Variants in FAM186B observed in about 807,000 individuals in gnomAD.
The protein encoded by FAM186B is protein FAM186B.
A neutral mutation model predicts 83.4 loss-of-function variants in FAM186B; 68 were observed. The observed-to-expected ratio is 0.81, with a 90% CI of 0.67 to 1.00. The LOEUF is 1.00. Among genes scored for constraint, FAM186B ranks in the 50% least tolerant of loss-of-function variants. The pLI, the probability that FAM186B is intolerant of heterozygous loss-of-function variation, is 0.00. For synonymous variants in FAM186B, 389 were observed against 422.0 expected (o/e 0.92, Z 0.96); for missense variants, 983 against 1,099.2 (o/e 0.89, Z 1.49).
chr12:49,617,294 CAGCACTTTCGGAG>C, the FAM186B span, among the ~76,000 whole-genome samples: 1 of 152,218 alleles, frequency 6.6e-6, no homozygotes, highest in African/African-American at 2.4e-5. Context: ...CCTGTAATCC[CAGCACTTTCGGAG>C]GCCAGGGCAG....
In FAM186B at chr12:49,603,241, T is replaced by A; in HGVS notation, c.449A>T (p.Glu150Val). 1.2e-6 allele frequency: 2 copies of A among 1,614,204 alleles called. No individual in the cohort carries two copies. The highest frequency in any genetic ancestry group is 1.7e-6 in the Non-Finnish European group (2 of 1,180,036). ...LSLIATKRGI[E>V]SLTALCSTLI... ...AGTGGAGCAAAGGGCAGTGAGTGAC[T>A]CGATGCCTCTTTTGGTGGCAATGAG... Residue 150 changes from glutamate (E) to valine (V), a missense_variant, in exon 3 of 7, where the codon GAG (glutamate) becomes GTG (valine). Coordinates refer to ENST00000257894, the MANE Select transcript of FAM186B (RefSeq NM_032130.3).
the FAM186B span, among the ~76,000 whole-genome samples, chr12:49,614,682 C>T: frequency 2.6e-5 from 4 of 152,222 alleles, no homozygotes; most frequent in East Asian, 5.8e-4. Context: ...ACAACATTCA[C>T]GCAATATACC....
chr12:49,588,851 T>C (rs1939511625), intron 5 of FAM186B, among the ~76,000 whole-genome samples: 1 of 152,170 alleles, frequency 6.6e-6, no homozygotes, highest in Non-Finnish European at 1.5e-5. Flanking sequence ...TTTTCTCCTT[T>C]GTTGTGAGGA....
chr12:49,588,380 C>A, intron 6 of FAM186B, 74 bp downstream of exon 6: 2 of 1,516,476 alleles, frequency 1.3e-6, no homozygotes, highest in South Asian at 2.5e-5. Flanking sequence ...CTGCCCACCT[C>A]CCCAGGCTGG....
chr12:49,589,534 G>A (rs1393957496), intron 5 of FAM186B, among the ~76,000 whole-genome samples: 1 of 152,082 alleles, frequency 6.6e-6, no homozygotes, highest in Non-Finnish European at 1.5e-5. Context: ...CTCAATACTT[G>A]TATAATGGGG....
At chr12:49,588,042 A>G (rs1462465121) in intron 6 of FAM186B, among the ~76,000 whole-genome samples, 1 of 152,236 alleles carries the variant, frequency 6.6e-6, no homozygotes, top group Admixed American at 6.5e-5. Flanking sequence ...GGTGTGGACC[A>G]GGGTCCTTTT....
the FAM186B span, among the ~76,000 whole-genome samples, chr12:49,612,925 AAT>A: frequency 1.1e-4 from 17 of 152,196 alleles, no homozygotes; most frequent in African/African-American, 3.9e-4. Flanking sequence ...CCAACCTCAG[AAT>A]ATACATTCTT....
upstream of FAM186B, among the ~76,000 whole-genome samples, chr12:49,610,307 A>G (rs1242395515): frequency 6.6e-6 from 1 of 152,222 alleles, no homozygotes; most frequent in Non-Finnish European, 1.5e-5. Context: ...AAAGGATCGC[A>G]CTAGATGTCT....
At chr12:49,593,652 G>GA (rs1263569136) in intron 5 of FAM186B, among the ~76,000 whole-genome samples, 9 of 145,408 alleles carry the variant, frequency 6.2e-5, no homozygotes, top group African/African-American at 2.4e-4. Context: ...AAAAAGAAAA[G>GA]AAAGAGGGCC....
Position 49,601,106 on chromosome 12 carries a change from C to T in FAM186B, c.534G>A (p.Trp178Ter). 1 of 1,571,694 alleles carries T rather than the reference C, an allele frequency of 6.4e-7. No homozygotes were observed. Among genetic ancestry groups the T allele is most frequent in the Non-Finnish European group, 8.6e-7 (1 of 1,157,396 alleles). The change falls in exon 4 of 7, where the codon TGG becomes TGA. Residue 178 changes from tryptophan to a stop codon, truncating the protein, a stop_gained. Transcript: ENST00000257894. LOFTEE classifies it high-confidence loss of function. ...GAGATGTCTGTGGGCTTCTTCCCTG[C>T]CAGCCCTGCCAGAAGGTGCGTTTGG... is the stretch of plus-strand genomic sequence containing the variant. ...QVSKRTFWQG[W>*]QGRSPQTSPS...
chr12:49,583,870 G>T (rs1326855793), downstream of FAM186B: 2 of 153,252 alleles, frequency 1.3e-5, no homozygotes, highest in African/African-American at 4.8e-5. Context: ...GGGTGTGTAG[G>T]TGCTCGTGAG....
At chr12:49,592,715 G>A (rs1440929364) in intron 5 of FAM186B, among the ~76,000 whole-genome samples, 1 of 152,182 alleles carries the variant, frequency 6.6e-6, no homozygotes, top group Non-Finnish European at 1.5e-5. Context: ...GAATCCAGGA[G>A]GCGGAGGTTA....
downstream of FAM186B, chr12:49,584,290 C>G: frequency 1.8e-6 from 1 of 548,722 alleles, no homozygotes; most frequent in South Asian, 2.3e-5. Context: ...TTAAAATAAA[C>G]CAACCTCTAT....
chr12:49,610,648 G>T, the FAM186B span, among the ~76,000 whole-genome samples: 1 of 152,078 alleles, frequency 6.6e-6, no homozygotes, highest in South Asian at 2.1e-4. Flanking sequence ...AAACTAGCCG[G>T]ACACGGTCGT....
chr12:49,594,504 CAA>C (rs1411955170), intron 5 of FAM186B, among the ~76,000 whole-genome samples: 1 of 152,102 alleles, frequency 6.6e-6, no homozygotes, highest in Non-Finnish European at 1.5e-5. Context: ...AGATTAATAA[CAA>C]TAACAAAATA....
upstream of FAM186B, chr12:49,605,695 A>T: frequency 2.2e-6 from 1 of 449,826 alleles, no homozygotes; most frequent in Non-Finnish European, 3.9e-6. Flanking sequence ...AGGAGATGAG[A>T]CTCCCCACTA....
At chr12:49,615,935 G>C in the FAM186B span, among the ~76,000 whole-genome samples, 1 of 152,072 alleles carries the variant, frequency 6.6e-6, no homozygotes, top group African/African-American at 2.4e-5. Flanking sequence ...TAAAAAGTGT[G>C]ACAATACCAA....
Position 49,599,629 on chromosome 12 carries a change from T to C in FAM186B, c.2011A>G (p.Lys671Glu), listed in dbSNP as rs141058026. Residue 671 changes from lysine to glutamate, a missense_variant, in exon 4 of 7, where the codon AAG becomes GAG. By Grantham distance (56) the Lys-to-Glu change is moderately conservative (BLOSUM62 1). Transcript: ENST00000257894. ...VYHMDMEAQR[K>E]NLQLLSEESE... Reference sequence around the variant, plus strand: ...TCCTCACTCAGGAGCTGCAGGTTCTTCCTCTGGGCCTCCATGTCCATGTGG... The same window carrying C: ...TCCTCACTCAGGAGCTGCAGGTTCTCCCTCTGGGCCTCCATGTCCATGTGG... 1.2e-6 allele frequency: 2 copies of C among 1,609,568 alleles called. No homozygotes were observed. Among genetic ancestry groups the C allele is most frequent in the Non-Finnish European group, 1.7e-6 (2 of 1,177,852 alleles).
chr12:49,601,749 C>G (rs373673932), intron 3 of FAM186B, among the ~76,000 whole-genome samples: 102 of 151,988 alleles, frequency 6.7e-4, no homozygotes, highest in African/African-American at 2.3e-3. Flanking sequence ...ATTAGCAGAT[C>G]TCAATTTTTC....
Sources: allele counts gnomAD v4.1 joint callset (sites outside exome capture counted in the v4.1 genomes callset), GRCh38; gene constraint gnomAD v4.1.1; transcripts MANE v1.5; gene names NCBI Gene and HGNC (gene_info 2026-07-23, HGNC 2026-07-21).